DOK6: variants seen among roughly 807,000 people sequenced by gnomAD.
DOK6 encodes downstream of tyrosine kinase 6.
A neutral mutation model predicts 44.0 loss-of-function variants in DOK6; 22 were observed. The observed-to-expected ratio is 0.50, with a 90% confidence interval of 0.36 to 0.71. The LOEUF (loss-of-function observed/expected upper bound fraction) is 0.71. DOK6 is among the 30% of genes least tolerant of loss of function. The pLI is 0.00. For missense variants in DOK6, 340 were observed against 416.4 expected (o/e 0.82, Z 1.60); for synonymous variants, 166 against 145.5 (o/e 1.14, Z -1.01).
intron 1 of DOK6, among the ~76,000 whole-genome samples, chr18:69,554,084 A>C (rs1982630755): frequency 6.6e-6 from 1 of 152,184 alleles, no homozygotes; most frequent in African/African-American, 2.4e-5. Context: ...CATCTGCATA[A>C]ACTTCAACAT....
At chr18:69,814,289 T>A (rs999325007) in intron 7 of DOK6, among the ~76,000 whole-genome samples, 1 of 152,266 alleles carries the variant, frequency 6.6e-6, no homozygotes, top group Non-Finnish European at 1.5e-5. Flanking sequence ...AAATCTGCAG[T>A]GCAACCAAAG....
At chr18:69,707,435 A>G (rs146260158) in intron 5 of DOK6, among the ~76,000 whole-genome samples, 95 of 152,344 alleles carry the variant, frequency 6.2e-4, no homozygotes, top group Non-Finnish European at 1.2e-3. Context: ...TCTCACTGCT[A>G]AATATCATTC....
Position 69,595,516 on chromosome 18 carries a change from C to T in DOK6, c.175-3868C>T, listed in dbSNP as rs75876521. ...AATAGACTTATTTATTTGTAAGCTG[C>T]TGATTTCTTTGGACATTGTTTCCCA... On this transcript the variant is annotated intron_variant, in intron 2 of 7. Coordinates refer to ENST00000382713, the MANE Select transcript of DOK6 (RefSeq NM_152721.6). Among the ~76,000 whole-genome samples the T allele has an allele frequency of 7.3e-3, 1,115 of 152,230 alleles. 13 individuals are homozygous for T. The highest frequency in any genetic ancestry group is 0.011 in the Non-Finnish European group (744 of 67,996).
chr18:69,518,050 T>C (rs1472272862), intron 1 of DOK6, among the ~76,000 whole-genome samples: 1 of 152,212 alleles, frequency 6.6e-6, no homozygotes, highest in African/African-American at 2.4e-5. Flanking sequence ...TTTCCATTTA[T>C]GCATTTCTTT....
chr18:69,651,481 CCTTT>C (rs1985224771), intron 3 of DOK6, among the ~76,000 whole-genome samples: 1 of 143,830 alleles, frequency 7.0e-6, no homozygotes, highest in African/African-American at 2.7e-5. Context: ...GCCCCCCGCT[CCTTT>C]TTTTTTTTTT....
At chr18:69,749,781 A>C (rs926675721) in intron 6 of DOK6, among the ~76,000 whole-genome samples, 1 of 151,982 alleles carries the variant, frequency 6.6e-6, no homozygotes, top group African/African-American at 2.4e-5. Context: ...TCTTCTAAAA[A>C]TACAAAAAAA....
At chr18:69,679,692 A>G (rs886090285) in intron 4 of DOK6, among the ~76,000 whole-genome samples, 4 of 152,230 alleles carry the variant, frequency 2.6e-5, no homozygotes, top group African/African-American at 9.7e-5. Flanking sequence ...GTAAATAGAA[A>G]TACTGTGCCT....
rs188131909 is a variant in DOK6 at position 69,525,802 on chromosome 18, G to A, written c.67-38685G>A. ...CAATAAAAGTTTCTTTATGCACATC[G>A]AAACTTTCACCTGCCATGAAATATT... On this transcript the variant is annotated intron_variant, in intron 1 of 7. Transcript: ENST00000382713. 5.2e-4 allele frequency among the ~76,000 whole-genome samples: 79 copies of A among 151,998 alleles called. 1 individual carries two copies. The East Asian group carries it at 0.012, about 23-fold the overall frequency.
chr18:69,587,281 C>T (rs1369613019), intron 2 of DOK6, among the ~76,000 whole-genome samples: 7 of 152,104 alleles, frequency 4.6e-5, no homozygotes, highest in Admixed American at 1.3e-4. Context: ...AAGGGGGTCT[C>T]CTTGCTTGCA....
chr18:69,642,674 T>C (rs1984972711), intron 3 of DOK6, among the ~76,000 whole-genome samples: 1 of 152,172 alleles, frequency 6.6e-6, no homozygotes, highest in South Asian at 2.1e-4. Context: ...CCAACCTGAA[T>C]TTGTTGTAAT....
At chr18:69,712,438 C>T (rs1485490225) in intron 5 of DOK6, among the ~76,000 whole-genome samples, 3 of 150,846 alleles carry the variant, frequency 2.0e-5, no homozygotes, top group African/African-American at 7.3e-5. Context: ...CAATTTACAA[C>T]TCAGAATAAA....
chr18:69,444,343 G>C (rs1444800055), intron 1 of DOK6, among the ~76,000 whole-genome samples: 2 of 152,140 alleles, frequency 1.3e-5, no homozygotes, highest in Non-Finnish European at 2.9e-5. Context: ...AAGAAACGTT[G>C]TGGATGTATA....
At chr18:69,573,525 T>A (rs979590371) in intron 2 of DOK6, among the ~76,000 whole-genome samples, 5 of 151,978 alleles carry the variant, frequency 3.3e-5, no homozygotes, top group African/African-American at 1.2e-4. Context: ...CCTTTGGGAA[T>A]TTTATTATTA....
At chr18:69,834,523 G>A (rs1232610337) in intron 7 of DOK6, among the ~76,000 whole-genome samples, 3 of 152,060 alleles carry the variant, frequency 2.0e-5, no homozygotes. Context: ...AGCTAGTAAA[G>A]AACTCCAATA....
chr18:69,747,943 C>T (rs577633327), intron 6 of DOK6, among the ~76,000 whole-genome samples: 5 of 152,136 alleles, frequency 3.3e-5, no homozygotes, highest in Admixed American at 2.0e-4. Flanking sequence ...GTCACACCTA[C>T]CATATGTTAT....
At chr18:69,778,204 T>A (rs553815684) in intron 7 of DOK6, among the ~76,000 whole-genome samples, 36 of 152,240 alleles carry the variant, frequency 2.4e-4, no homozygotes, top group South Asian at 1.0e-3. Flanking sequence ...ACATACAGGT[T>A]TTCCTGAAAT....
chr18:69,438,841 T>C (rs567473709), intron 1 of DOK6, among the ~76,000 whole-genome samples: 99 of 152,230 alleles, frequency 6.5e-4, no homozygotes, highest in African/African-American at 2.3e-3. Context: ...GAGGCCAAAG[T>C]GGGTGGATTG....
intron 4 of DOK6, among the ~76,000 whole-genome samples, chr18:69,694,863 A>T (rs1986357252): frequency 1.3e-5 from 2 of 152,214 alleles, no homozygotes; most frequent in South Asian, 4.1e-4. Flanking sequence ...TCATCTGATA[A>T]GGAAAATAGT....
At chr18:69,649,212 C>T (rs928939677) in intron 3 of DOK6, among the ~76,000 whole-genome samples, 25 of 152,254 alleles carry the variant, frequency 1.6e-4, no homozygotes, top group Admixed American at 3.3e-4. Flanking sequence ...CATCTAGTTA[C>T]AGAAAAAGAG....
Sources: allele counts gnomAD v4.1 joint callset (sites outside exome capture counted in the v4.1 genomes callset), GRCh38; gene constraint gnomAD v4.1.1; transcripts MANE v1.5; gene names NCBI Gene and HGNC (gene_info 2026-07-23, HGNC 2026-07-21).